DNAH1: variants seen among roughly 807,000 people sequenced by gnomAD.
The protein encoded by DNAH1 is dynein axonemal heavy chain 1, also known as axonemal beta dynein heavy chain 1.
Under a neutral mutation model 484.3 loss-of-function variants are expected in DNAH1, and 327 were observed. That is an observed-to-expected ratio of 0.68 (90% CI 0.62 to 0.74). The LOEUF (loss-of-function observed/expected upper bound fraction) is 0.74, where lower values mean the gene tolerates loss of function less well. DNAH1 is among the 30% of genes least tolerant of loss of function. DNAH1 has a pLI of 0.00. For synonymous variants in DNAH1, 2,192 were observed against 2,191.9 expected (o/e 1.00, Z 0.00); for missense variants, 5,052 against 5,546.8 (o/e 0.91, Z 2.83).
Position 52,392,676 on chromosome 3 carries a change from C to A in DNAH1, c.10265C>A (p.Ala3422Asp). ...IKVLEASKMK[A>D]AEIQAKVRIA... ...GTGCTGGAAGCCTCCAAGATGAAGG[C>A]TGCTGAGATCCAGGTCAGCTGCTGC... Residue 3422 changes from alanine to aspartate, a missense_variant, in exon 64 of 78, where the codon GCT (alanine) becomes GAT (aspartate). Ala to Asp is a moderately radical substitution (Grantham distance 126). This residue lies in a region of DNAH1 where 2,929 missense variants were observed against 3,409.4 expected (regional missense o/e 0.86). Coordinates refer to ENST00000420323, the MANE Select transcript of DNAH1 (RefSeq NM_015512.5). 1 of 1,601,146 alleles carries A rather than the reference C, an allele frequency of 6.2e-7. No individual in the cohort carries two copies. Among genetic ancestry groups the A allele is most frequent in the Non-Finnish European group, 8.5e-7 (1 of 1,173,776 alleles).
At chr3:52,350,611 C>A (rs750838623) in intron 16 of DNAH1, 21 bp downstream of exon 16, 1 of 1,610,694 alleles carries the variant, frequency 6.2e-7, no homozygotes, top group South Asian at 1.1e-5. Context: ...GCTTGGCCCC[C>A]ATGCCAGGTG....
rs770425135 is a variant in DNAH1 at position 52,360,011 on chromosome 3, C to A, written c.4503C>A (p.Asp1501Glu). ...TCGTCATTGAGGTCCATGCCAAGGA[C>A]GTGGTGAGCAAGCTAATCCAGGAGA... The part of the protein sequence containing the change: ...ALIVIEVHAK[D>E]VVSKLIQENV... Residue 1501 changes from aspartate (D) to glutamate (E), a missense_variant, in exon 27 of 78, where the codon GAC (aspartate) becomes GAA (glutamate). Asp to Glu is a conservative substitution (Grantham distance 45). Coordinates refer to ENST00000420323, the MANE Select transcript of DNAH1 (RefSeq NM_015512.5). 1 of 1,613,954 alleles carries A rather than the reference C, an allele frequency of 6.2e-7. No individual in the cohort carries two copies.
Position 52,395,243 on chromosome 3 carries a change from C to T in DNAH1, c.10969-65C>T. 1 of 1,559,588 alleles carries T rather than the reference C, an allele frequency of 6.4e-7. No homozygotes were observed. The highest frequency in any genetic ancestry group is 8.7e-7 in the Non-Finnish European group (1 of 1,149,152). ...GGGACCACTCTGAGAACCCCAGATC[C>T]CCCTCCCTTGCCCCGATCTCTCTGC... is the stretch of plus-strand genomic sequence containing the variant. On this transcript the variant is annotated intron_variant, in intron 68 of 77. Transcript: ENST00000420323. This position sits in a 1 kb window ranked among gnomAD's most constrained non-coding sequence, Gnocchi z 4.4.
intron 6 of DNAH1, among the ~76,000 whole-genome samples, chr3:52,330,508 C>T (rs761253920): frequency 2.0e-5 from 3 of 152,200 alleles, no homozygotes; most frequent in Non-Finnish European, 2.9e-5. Context: ...GAGGCTCTGC[C>T]GTGGGAACAA....
Position 52,364,198 on chromosome 3 carries a change from G to T in DNAH1, c.5245-440G>T, listed in dbSNP as rs976648088. On this transcript the variant is annotated intron_variant, in intron 32 of 77. Transcript: ENST00000420323. This position sits in a 1 kb window ranked among gnomAD's most constrained non-coding sequence, Gnocchi z 4.2. ...CTTACTGTGTAATGAAGAGAAACAG[G>T]CTGGGGGAAAAAGCATGGTGGTGTG... Among the ~76,000 whole-genome samples the T allele has an allele frequency of 3.3e-5, 5 of 152,198 alleles. No homozygotes were observed. Among genetic ancestry groups the T allele is most frequent in the Non-Finnish European group, 7.3e-5 (5 of 68,044 alleles).
rs773755383 is a variant in DNAH1, at chr3:52,396,349, G to A, written c.11260-19G>A. Reference sequence around the variant, plus strand: ...ACCAGATATGGGTCTCAATGCTCACGTGGAGCCATGGCCACCAGGTACACA... The same window carrying A: ...ACCAGATATGGGTCTCAATGCTCACATGGAGCCATGGCCACCAGGTACACA... On this transcript the variant is annotated intron_variant, in intron 70 of 77. Coordinates refer to ENST00000420323, the MANE Select transcript of DNAH1 (RefSeq NM_015512.5). 39 of 1,560,440 alleles carry A rather than the reference G, an allele frequency of 2.5e-5. No homozygotes were observed. Among genetic ancestry groups the A allele is most frequent in the Middle Eastern group, 1.7e-4 (1 of 5,986 alleles).
intron 44 of DNAH1, chr3:52,374,246 A>G: frequency 1.4e-6 from 2 of 1,455,640 alleles, no homozygotes; most frequent in South Asian, 1.1e-5. Flanking sequence ...AATATTGGGA[A>G]GTATAATTAA....
upstream of DNAH1, among the ~76,000 whole-genome samples, chr3:52,313,177 G>C (rs979363001): frequency 6.6e-5 from 10 of 152,330 alleles, no homozygotes; most frequent in African/African-American, 9.6e-5. Flanking sequence ...TGCTCCACAG[G>C]GGGCAGCTGG....
At chr3:52,347,324 G>A (rs1453164463) in intron 11 of DNAH1, among the ~76,000 whole-genome samples, 2 of 152,166 alleles carry the variant, frequency 1.3e-5, no homozygotes, top group African/African-American at 4.8e-5. Flanking sequence ...AGTGTGGCTG[G>A]AGTCAGGGAG....
At chr3:52,366,339 A>T (rs983706898) in intron 34 of DNAH1, 118 bp from the exon 35 acceptor site, 8 of 759,948 alleles carry the variant, frequency 1.1e-5, no homozygotes, top group Non-Finnish European at 1.7e-5. Flanking sequence ...CTCATTTTAT[A>T]GATGAGGAAA....
intron 3 of DNAH1, 51 bp downstream of exon 3, chr3:52,323,931 C>A: frequency 6.9e-7 from 1 of 1,439,524 alleles, no homozygotes; most frequent in Non-Finnish European, 9.5e-7. Flanking sequence ...TATTTCAAAG[C>A]AGGCTTTTGG....
chr3:52,393,232 C>A, intron 65 of DNAH1, 102 bp from the exon 66 acceptor site: 1 of 1,556,772 alleles, frequency 6.4e-7, no homozygotes, highest in South Asian at 1.2e-5. Context: ...GAGGCCCAGG[C>A]TGCCCCTACG....
chr3:52,318,859 G>A (rs1205469379), intron 1 of DNAH1, among the ~76,000 whole-genome samples: 3 of 152,208 alleles, frequency 2.0e-5, no homozygotes, highest in Non-Finnish European at 2.9e-5. Context: ...CCTTAAAGTC[G>A]CAGATCCATT....
In DNAH1 at chr3:52,394,466, G is replaced by A. The variant is rs1704528871; in HGVS notation, c.10628G>A (p.Ser3543Asn). The change falls in exon 67 of 78, where the codon AGT becomes AAT. Residue 3543 changes from serine (S) to asparagine (N), a missense_variant and splice_region_variant. By Grantham distance (46) the Ser-to-Asn change is conservative. Coordinates refer to ENST00000420323, the MANE Select transcript of DNAH1 (RefSeq NM_015512.5). ...IMMNEGKINQ[S>N]EWRYLLSGGS... Reference sequence around the variant, plus strand: ...CAGCCTCCTCCTGTCCCCTGCCAGAGTGAGTGGCGATACCTCCTGTCTGGG... The same window carrying A: ...CAGCCTCCTCCTGTCCCCTGCCAGAATGAGTGGCGATACCTCCTGTCTGGG... 1 of 1,613,958 alleles carries A rather than the reference G, an allele frequency of 6.2e-7. No homozygotes were observed. The highest frequency in any genetic ancestry group is 1.3e-5 in the African/African-American group (1 of 75,072).
In DNAH1 at chr3:52,359,915, G is replaced by T. The variant is rs770224492; in HGVS notation, c.4408-1G>T. ...TTTGACAGTGCACCCCATTTCTGCA[G>T]CTCAGTGATCTGGTGGCCCTTGTGC... On this transcript the variant is annotated splice_acceptor_variant, in intron 26 of 77. Coordinates refer to ENST00000420323, the MANE Select transcript of DNAH1 (RefSeq NM_015512.5). LOFTEE classifies it high-confidence loss of function. 2 of 1,613,590 alleles carry T rather than the reference G, an allele frequency of 1.2e-6. No individual in the cohort carries two copies. The highest frequency in any genetic ancestry group is 2.7e-5 in the African/African-American group (2 of 74,946).
At chr3:52,333,135 C>T (rs1014165295) in intron 8 of DNAH1, among the ~76,000 whole-genome samples, 2 of 152,170 alleles carry the variant, frequency 1.3e-5, no homozygotes, top group African/African-American at 4.8e-5. Context: ...AATCTCCCAC[C>T]TTGGCTTCCC....
At position 52,322,440 on chromosome 3, in the gene DNAH1, AGCATG is replaced by A; in HGVS notation, c.-1_4del. 1.9e-6 allele frequency: 3 copies of A among 1,600,624 alleles called. No homozygotes were observed. The South Asian group carries it at 3.4e-5, about 18-fold the overall frequency. On this transcript the variant is annotated start_lost and 5_prime_UTR_variant, in exon 2 of 78. Transcript: ENST00000420323. ...CGGCTGGGGCATCTCCCTGAGAAGC[AGCATG>A]GAGCAGCCTAACAGTAAAGGCTATA...
At chr3:52,321,877 A>AGG (rs1491474498) in intron 1 of DNAH1, 5 of 153,314 alleles carry the variant, frequency 3.3e-5, no homozygotes, top group African/African-American at 1.2e-4. Context: ...GGGCAAACAC[A>AGG]GGGGAGGCAG....
Position 52,386,336 on chromosome 3 carries a change from T to C in DNAH1, c.8802T>C (p.Asp2934=), listed in dbSNP as rs1704109359. 2 of 1,576,820 alleles carry C rather than the reference T, an allele frequency of 1.3e-6. No individual in the cohort carries two copies. Among genetic ancestry groups the C allele is most frequent in the Non-Finnish European group, 1.7e-6 (2 of 1,161,654 alleles). The part of the protein sequence containing the change: ...LASLRNLNKN[D]VTEVRAMQRP... ...GCCTGCGCAACCTCAACAAGAACGA[T>C]GTGACCGAGGTGGGCAGCAGGGCAT... Residue 2934 remains aspartate, a synonymous_variant, in exon 55 of 78, where the codon GAT becomes GAC. Coordinates refer to ENST00000420323, the MANE Select transcript of DNAH1 (RefSeq NM_015512.5).
Sources: allele counts gnomAD v4.1 joint callset (sites outside exome capture counted in the v4.1 genomes callset), GRCh38; gene constraint gnomAD v4.1.1; regional missense constraint gnomAD v4.1.1; non-coding constraint Gnocchi (gnomAD v3.1); transcripts MANE v1.5; gene names NCBI Gene and HGNC (gene_info 2026-07-23, HGNC 2026-07-21).